CFAP54: variants seen among roughly 807,000 people sequenced by gnomAD.
The protein encoded by CFAP54 is cilia- and flagella-associated protein 54.
Under a neutral mutation model 370.4 loss-of-function variants are expected in CFAP54, and 290 were observed. That is an observed-to-expected ratio of 0.78 (90% confidence interval 0.71 to 0.86). The LOEUF (loss-of-function observed/expected upper bound fraction) is 0.86, where lower values mean the gene tolerates loss of function less well. Among genes scored for constraint, CFAP54 ranks in the 40% least tolerant of loss-of-function variants. CFAP54 has a pLI of 0.00. For missense variants in CFAP54, 3,399 were observed against 3,528.7 expected (o/e 0.96, Z 0.93); for synonymous variants, 1,206 against 1,236.5 (o/e 0.98, Z 0.52).
chr12:96,645,307 A>G (rs1054149055), intron 33 of CFAP54: 1 of 344,164 alleles, frequency 2.9e-6, no homozygotes, highest in Non-Finnish European at 5.9e-6. Context: ...CACCAATAAC[A>G]GACAAACAAA....
At chr12:96,868,714 A>G (rs1232104874) in intron 67 of CFAP54, among the ~76,000 whole-genome samples, 1 of 152,210 alleles carries the variant, frequency 6.6e-6, no homozygotes, top group Non-Finnish European at 1.5e-5. Flanking sequence ...AAGACATGGT[A>G]GAAAAGTAAG....
At chr12:96,706,507 G>A (rs1161944115) in intron 47 of CFAP54, among the ~76,000 whole-genome samples, 1 of 152,158 alleles carries the variant, frequency 6.6e-6, no homozygotes, top group African/African-American at 2.4e-5. Flanking sequence ...TGTGGCTAGA[G>A]CTCTGTGAAT....
chr12:96,747,417 C>T (rs535031934), intron 55 of CFAP54, among the ~76,000 whole-genome samples: 3 of 152,252 alleles, frequency 2.0e-5, no homozygotes, highest in African/African-American at 7.2e-5. Context: ...CTACAATGAA[C>T]ACATATAACT....
At chr12:96,542,475 T>A (rs972507533) in intron 14 of CFAP54, among the ~76,000 whole-genome samples, 13 of 152,224 alleles carry the variant, frequency 8.5e-5, no homozygotes, top group Admixed American at 3.3e-4. Flanking sequence ...TAAAAACTTT[T>A]GTTATGCAGA....
intron 22 of CFAP54, among the ~76,000 whole-genome samples, chr12:96,583,216 A>T (rs1351934568): frequency 6.6e-6 from 1 of 152,082 alleles, no homozygotes; most frequent in Non-Finnish European, 1.5e-5. Context: ...TTTTTGAGGA[A>T]ACTTTTTGAA....
At chr12:96,607,525 C>A (rs796460747) in intron 26 of CFAP54, among the ~76,000 whole-genome samples, 12 of 152,222 alleles carry the variant, frequency 7.9e-5, no homozygotes, top group African/African-American at 2.6e-4. Context: ...CCCCTTCCAA[C>A]ATAGTACAGA....
intron 42 of CFAP54, among the ~76,000 whole-genome samples, chr12:96,685,844 G>A (rs1466914455): frequency 3.3e-5 from 5 of 152,192 alleles, no homozygotes; most frequent in African/African-American, 2.4e-5. Flanking sequence ...GAGCCACGGC[G>A]TCTGGCTCAA....
At chr12:96,675,007 C>G (rs1957189451) in intron 39 of CFAP54, among the ~76,000 whole-genome samples, 1 of 151,958 alleles carries the variant, frequency 6.6e-6, no homozygotes, top group Non-Finnish European at 1.5e-5. Context: ...TAGGCAATAC[C>G]ATTCAGGACA....
At chr12:96,853,253 C>T (rs750511888) in intron 66 of CFAP54, among the ~76,000 whole-genome samples, 1 of 151,928 alleles carries the variant, frequency 6.6e-6, no homozygotes, top group African/African-American at 2.4e-5. Flanking sequence ...TAAGAATGAA[C>T]AAACTATTGC....
At chr12:96,501,763 C>A (rs896153719) in intron 2 of CFAP54, among the ~76,000 whole-genome samples, 26 of 152,276 alleles carry the variant, frequency 1.7e-4, no homozygotes, top group African/African-American at 5.8e-4. Context: ...GTCTGGGAGA[C>A]AAATTTACCA....
chr12:96,668,893 G>A (rs1957111466), intron 39 of CFAP54, among the ~76,000 whole-genome samples: 1 of 152,080 alleles, frequency 6.6e-6, no homozygotes, highest in African/African-American at 2.4e-5. Flanking sequence ...ATTTATTTAT[G>A]GAGCCAGTCA....
At chr12:96,799,954 T>A (rs979221100) in intron 63 of CFAP54, among the ~76,000 whole-genome samples, 1 of 152,166 alleles carries the variant, frequency 6.6e-6, no homozygotes, top group Non-Finnish European at 1.5e-5. Context: ...CTTAGGTTGG[T>A]CTTCAGCATA....
chr12:96,741,178 T>C (rs1253775556), intron 51 of CFAP54, among the ~76,000 whole-genome samples: 1 of 152,230 alleles, frequency 6.6e-6, no homozygotes, highest in African/African-American at 2.4e-5. Flanking sequence ...TTTTTTGGTT[T>C]TTTTTTGAGA....
chr12:96,758,076 C>T (rs1378437770), intron 58 of CFAP54, among the ~76,000 whole-genome samples: 3 of 152,032 alleles, frequency 2.0e-5, no homozygotes, highest in Non-Finnish European at 4.4e-5. Flanking sequence ...TCCAGGTACT[C>T]TCATAGAGGA....
intron 26 of CFAP54, among the ~76,000 whole-genome samples, chr12:96,604,330 G>A (rs760452818): frequency 6.6e-5 from 10 of 152,184 alleles, no homozygotes; most frequent in East Asian, 3.8e-4. Flanking sequence ...TGGAAGCTTC[G>A]TTCCAGAGGG....
chr12:96,848,857 T>C (rs931964943), intron 66 of CFAP54, among the ~76,000 whole-genome samples: 1 of 152,262 alleles, frequency 6.6e-6, no homozygotes, highest in African/African-American at 2.4e-5. Context: ...GAAATTTCTA[T>C]GGTTTGGCAG....
chr12:96,604,203 A>G (rs2136447762), intron 26 of CFAP54, among the ~76,000 whole-genome samples: 1 of 152,292 alleles, frequency 6.6e-6, no homozygotes, highest in Middle Eastern at 3.4e-3. Flanking sequence ...TCCTTCTAAT[A>G]GGCCCCTCAG....
At chr12:96,651,552 A>T (rs752305940) in intron 35 of CFAP54, 36 bp from the exon 36 acceptor site, 1 of 1,549,326 alleles carries the variant, frequency 6.5e-7, no homozygotes, top group South Asian at 1.1e-5. Flanking sequence ...TAACTTTTGG[A>T]ACTTTGGGAT....
intron 6 of CFAP54, among the ~76,000 whole-genome samples, chr12:96,520,895 A>T (rs564356407): frequency 6.6e-6 from 1 of 152,298 alleles, no homozygotes; most frequent in East Asian, 1.9e-4. Flanking sequence ...ACTAATTCTG[A>T]AGGGTTTGAT....
Sources: gnomAD v4.1 joint callset for allele counts (sites outside exome capture counted in the v4.1 genomes callset) on GRCh38, gnomAD v4.1.1 for gene constraint, MANE v1.5 for transcripts, NCBI Gene and HGNC (gene_info 2026-07-23, HGNC 2026-07-21) for gene names.